The following ADD2 variants were observed in gnomAD, a reference collection of about 807,000 sequenced individuals.
The protein encoded by ADD2 is adducin 2, also known as beta-adducin.
Under a neutral mutation model 83.0 loss-of-function variants are expected in ADD2, and 23 were observed. That is an observed-to-expected ratio of 0.28 (90% CI 0.20 to 0.39). The LOEUF (loss-of-function observed/expected upper bound fraction) is 0.39. Among genes scored for constraint, ADD2 ranks in the 10% least tolerant of loss-of-function variants. The probability of loss-of-function intolerance (pLI) is 1.00; values close to 1 mark genes in which losing one functional copy is unlikely to be tolerated. For synonymous variants in ADD2, 375 were observed against 375.4 expected (o/e 1.00, Z 0.01); for missense variants, 758 against 944.9 (o/e 0.80, Z 2.59).
At chr2:70,700,288 T>C (rs1574260940) in intron 4 of ADD2, among the ~76,000 whole-genome samples, 1 of 152,280 alleles carries the variant, frequency 6.6e-6, no homozygotes, top group Non-Finnish European at 1.5e-5. Context: ...CCAATGCTAT[T>C]AGCAAACCTT....
chr2:70,698,606 G>C (rs1355995142), intron 4 of ADD2, among the ~76,000 whole-genome samples: 1 of 152,088 alleles, frequency 6.6e-6, no homozygotes, highest in African/African-American at 2.4e-5. Flanking sequence ...AAGTGTTTGA[G>C]GTGATGGTTA....
chr2:70,701,162 C>A (rs531113318), intron 4 of ADD2, among the ~76,000 whole-genome samples: 2 of 152,044 alleles, frequency 1.3e-5, no homozygotes, highest in African/African-American at 4.8e-5. Flanking sequence ...TAATAAAATT[C>A]TGGAAAATCA....
At chr2:70,727,310 T>A (rs1344384408) in intron 1 of ADD2, among the ~76,000 whole-genome samples, 1 of 152,166 alleles carries the variant, frequency 6.6e-6, no homozygotes, top group Admixed American at 6.5e-5. Context: ...CTCCCCAACA[T>A]GTGACCCTGC....
At chr2:70,724,336 C>T (rs911740182) in intron 1 of ADD2, among the ~76,000 whole-genome samples, 1 of 152,206 alleles carries the variant, frequency 6.6e-6, no homozygotes, top group Non-Finnish European at 1.5e-5. Context: ...AAATGGTGAC[C>T]ATTGCAGTAC....
At chr2:70,757,095 T>C (rs1418748374) in intron 1 of ADD2, among the ~76,000 whole-genome samples, 1 of 152,208 alleles carries the variant, frequency 6.6e-6, no homozygotes, top group Non-Finnish European at 1.5e-5. Flanking sequence ...CCCAAAGTGC[T>C]GGGATTACAG....
At chr2:70,761,548 C>A (rs1329879974) in intron 1 of ADD2, among the ~76,000 whole-genome samples, 6 of 119,870 alleles carry the variant, frequency 5.0e-5, no homozygotes, top group Admixed American at 1.0e-4. Context: ...ACAGAGGTTG[C>A]AGTGAGATGA....
chr2:70,706,153 C>G lies in ADD2; in HGVS notation c.183+73G>C. On this transcript the variant is annotated intron_variant, in intron 3 of 15. Coordinates refer to ENST00000264436, the MANE Select transcript of ADD2 (RefSeq NM_001617.4). This position sits in a 1 kb window ranked among gnomAD's most constrained non-coding sequence, Gnocchi z 5.0. Reference sequence around the variant, plus strand: ...AGCAAGGGAAAGAGGAGTTACTCATCTTTCGGGTGGGTACACGTCCTGAAG... The same window carrying G: ...AGCAAGGGAAAGAGGAGTTACTCATGTTTCGGGTGGGTACACGTCCTGAAG... 1 of 1,510,984 alleles carries G rather than the reference C, an allele frequency of 6.6e-7. No homozygotes were observed. Among genetic ancestry groups the G allele is most frequent in the South Asian group, 1.2e-5 (1 of 80,978 alleles). 93.6% of individuals were successfully genotyped at this position (1,510,984 alleles called of 1,614,324 possible).
chr2:70,745,686 T>G (rs1439015275), intron 1 of ADD2, among the ~76,000 whole-genome samples: 1 of 152,200 alleles, frequency 6.6e-6, no homozygotes, highest in Non-Finnish European at 1.5e-5. Context: ...TGCCCCTCTT[T>G]CCTGAGAAAG....
At chr2:70,764,117 A>T (rs1675258130) in intron 1 of ADD2, among the ~76,000 whole-genome samples, 1 of 151,604 alleles carries the variant, frequency 6.6e-6, no homozygotes, top group African/African-American at 2.4e-5. Flanking sequence ...CGAACTCCTG[A>T]CCTCAGGTGA....
chr2:70,695,485 G>C (rs1553372426), intron 6 of ADD2, among the ~76,000 whole-genome samples: 2 of 151,864 alleles, frequency 1.3e-5, no homozygotes, highest in African/African-American at 4.8e-5. Context: ...AGGATGCCAG[G>C]CCCATCTCCA....
intron 1 of ADD2, among the ~76,000 whole-genome samples, chr2:70,762,082 G>A (rs970844164): frequency 8.6e-5 from 13 of 151,724 alleles, no homozygotes; most frequent in African/African-American, 3.2e-4. Flanking sequence ...TTAAGAAAGG[G>A]GGTGGAAAAA....
At chr2:70,705,806 C>T (rs1553374298) in intron 3 of ADD2, among the ~76,000 whole-genome samples, 1 of 152,188 alleles carries the variant, frequency 6.6e-6, no homozygotes. Context: ...CTTCATTTGT[C>T]CCGACAGAAA....
chr2:70,725,407 A>AAT lies in ADD2; in HGVS notation c.-153-12225_-153-12224dup, dbSNP rs782346549. On this transcript the variant is annotated intron_variant, in intron 1 of 15. Transcript: ENST00000264436. ...TATTCCTCCCCAACCCCCTGCCAAAAATATATATATATATATGTGTGTATG... is the reference window on the plus strand; with the variant it reads ...TATTCCTCCCCAACCCCCTGCCAAAAATATATATATATATATATGTGTGTATG... 2.1e-3 allele frequency among the ~76,000 whole-genome samples: 319 copies of AAT among 150,238 alleles called. 8 individuals are homozygous for AAT. Among genetic ancestry groups the AAT allele is most frequent in the East Asian group, 0.021 (108 of 5,146 alleles).
At chr2:70,667,170 G>T (rs201657593) in intron 15 of ADD2, among the ~76,000 whole-genome samples, 1 of 152,086 alleles carries the variant, frequency 6.6e-6, no homozygotes, top group African/African-American at 2.4e-5. Context: ...TCTCCTGAAT[G>T]GTGGGAACCT....
chr2:70,660,594 C>T lies in ADD2; in HGVS notation c.*2831G>A, dbSNP rs1675507031. 1 of 152,342 alleles carries T rather than the reference C, an allele frequency of 6.6e-6. No homozygotes were observed. Among genetic ancestry groups the T allele is most frequent in the South Asian group, 2.1e-4 (1 of 4,830 alleles). 9.4% of individuals were successfully genotyped at this position (152,342 alleles called of 1,614,324 possible). ...CCATGACAAGTCTAGCTCCTCCACA[C>T]TTCCTACCAGTTTCCTTAGGATTCA... On this transcript the variant is annotated 3_prime_UTR_variant, in exon 16 of 16. Coordinates refer to ENST00000264436, the MANE Select transcript of ADD2 (RefSeq NM_001617.4).
chr2:70,735,882 T>TC lies in ADD2; in HGVS notation c.-153-22699_-153-22698insG, dbSNP rs375014240. 9.1e-4 allele frequency among the ~76,000 whole-genome samples: 128 copies of TC among 140,700 alleles called. 2 individuals carry two copies. Among genetic ancestry groups the TC allele is most frequent in the Middle Eastern group, 3.8e-3 (1 of 266 alleles). 92.3% of individuals were successfully genotyped at this position (140,700 alleles called of 152,430 possible). ...GCTTTTTTTTTTTTTTTTTTTTTTT[T>TC]AGTAAAGATGGGGTTTCACCATGTT... is the stretch of plus-strand genomic sequence containing the variant. On this transcript the variant is annotated intron_variant, in intron 1 of 15. Coordinates refer to ENST00000264436, the MANE Select transcript of ADD2 (RefSeq NM_001617.4).
chr2:70,693,152 C>T (rs1671136954), intron 6 of ADD2, among the ~76,000 whole-genome samples: 1 of 152,134 alleles, frequency 6.6e-6, no homozygotes, highest in Non-Finnish European at 1.5e-5. Context: ...AATATTCAAT[C>T]ACAGAATGTC....
chr2:70,685,736 G>A (rs12470211), intron 9 of ADD2, among the ~76,000 whole-genome samples: 36,828 of 152,096 alleles, frequency 0.24, 5,574 homozygotes, highest in Non-Finnish European at 0.34. Context: ...TTTGAGAAGC[G>A]CTATTCCCTG....
intron 4 of ADD2, among the ~76,000 whole-genome samples, chr2:70,699,071 T>C (rs1346613322): frequency 6.6e-6 from 1 of 152,066 alleles, no homozygotes; most frequent in Admixed American, 6.5e-5. Context: ...CAGATGTTGA[T>C]TGGTGAGGCA....
Sources: gnomAD v4.1 joint callset for allele counts (sites outside exome capture counted in the v4.1 genomes callset) on GRCh38, gnomAD v4.1.1 for gene constraint, Gnocchi (gnomAD v3.1) non-coding constraint, MANE v1.5 for transcripts, NCBI Gene and HGNC (gene_info 2026-07-23, HGNC 2026-07-21) for gene names.